Variants in OVCH1 observed in about 807,000 individuals in gnomAD.
The protein encoded by OVCH1 is ovochymase-1.
OVCH1 carries 139 observed loss-of-function variants against 138.4 expected under a neutral mutation model. The ratio of observed to expected loss-of-function variants is 1.00; its 90% CI spans 0.87 to 1.16. The LOEUF (loss-of-function observed/expected upper bound fraction) is 1.16, where lower values mean the gene tolerates loss of function less well. Among genes scored for constraint, OVCH1 ranks in the 50% most tolerant of loss-of-function variants. The pLI is 0.00. For synonymous variants in OVCH1, 453 were observed against 467.8 expected (o/e 0.97, Z 0.41); for missense variants, 1,367 against 1,357.9 (o/e 1.01, Z -0.11).
At chr12:29,405,036 A>C in the OVCH1 span, among the ~76,000 whole-genome samples, 6 of 129,994 alleles carry the variant, frequency 4.6e-5, 1 homozygote, top group South Asian at 5.0e-4. Flanking sequence ...AAAAAAAAAA[A>C]AAAAAAAAAA....
chr12:29,449,132 T>C (rs1457188715), intron 22 of OVCH1, among the ~76,000 whole-genome samples: 1 of 152,134 alleles, frequency 6.6e-6, no homozygotes, highest in Non-Finnish European at 1.5e-5. Flanking sequence ...GTATTTTGCT[T>C]TATTTTTTCA....
At chr12:29,477,190 G>A (rs1215559699) in exon 12 of OVCH1, 1 of 1,613,644 alleles carries the variant, frequency 6.2e-7, no homozygotes, top group Non-Finnish European at 8.5e-7. Flanking sequence ...AGAGTGATTT[G>A]TCCCTTCTTC....
downstream of OVCH1, among the ~76,000 whole-genome samples, chr12:29,411,034 G>GTTT (rs1940948403): frequency 2.0e-5 from 3 of 146,436 alleles, no homozygotes; most frequent in African/African-American, 7.4e-5. Context: ...TAAACTTCCC[G>GTTT]TCTCACTTCA....
downstream of OVCH1, chr12:29,423,421 G>A (rs1161542589): frequency 7.8e-6 from 3 of 382,488 alleles, no homozygotes; most frequent in Non-Finnish European, 1.5e-5. Flanking sequence ...TGATTGTCAG[G>A]AATACAAGAT....
intron 4 of OVCH1, among the ~76,000 whole-genome samples, chr12:29,495,031 T>C (rs956671130): frequency 6.6e-6 from 1 of 152,196 alleles, no homozygotes; most frequent in Non-Finnish European, 1.5e-5. Context: ...TATGTACTTC[T>C]AATATGTATC....
intron 21 of OVCH1, among the ~76,000 whole-genome samples, chr12:29,454,235 T>G (rs762941492): frequency 3.3e-5 from 5 of 152,186 alleles, no homozygotes; most frequent in Admixed American, 1.3e-4. Flanking sequence ...ACCTTCTATA[T>G]CTTACATTTT....
At chr12:29,490,810 T>C (rs1943252571) in intron 5 of OVCH1, among the ~76,000 whole-genome samples, 1 of 152,202 alleles carries the variant, frequency 6.6e-6, no homozygotes, top group Non-Finnish European at 1.5e-5. Flanking sequence ...GCTTAACTAT[T>C]GTTGCTATTT....
chr12:29,456,472 C>T (rs142505943), intron 19 of OVCH1, among the ~76,000 whole-genome samples: 327 of 152,268 alleles, frequency 2.1e-3, no homozygotes, highest in African/African-American at 7.8e-3. Flanking sequence ...TAGATGGAAG[C>T]GTCTCTCTTG....
intron 23 of OVCH1, among the ~76,000 whole-genome samples, chr12:29,445,005 T>G (rs191600372): frequency 6.6e-6 from 1 of 152,078 alleles, no homozygotes; most frequent in African/African-American, 2.4e-5. Flanking sequence ...TGGTATAAAA[T>G]TGCAACCACA....
intron 19 of OVCH1, among the ~76,000 whole-genome samples, chr12:29,460,647 A>C (rs949928369): frequency 2.0e-5 from 3 of 152,100 alleles, no homozygotes; most frequent in Non-Finnish European, 4.4e-5. Flanking sequence ...TCAGATGGAT[A>C]AATTCACCAC....
rs116383413 is a variant in OVCH1 at position 29,490,568 on chromosome 12, G to A, written c.550+529C>T. The stretch of plus-strand genomic sequence containing the variant: ...CCCACAGAGTTAACTTTTTTGTAGT[G>A]AGAATACTTAACATTTACTCTCTTG... On this transcript the variant is annotated intron_variant, in intron 5 of 27. Coordinates refer to ENST00000318184, the Ensembl canonical transcript of OVCH1. Among the ~76,000 whole-genome samples the A allele has an allele frequency of 2.2e-3, 329 of 152,170 alleles. 1 individual carries two copies. The highest frequency in any genetic ancestry group is 7.4e-3 in the African/African-American group (309 of 41,504).
At chr12:29,407,626 G>T (rs942103847), downstream of OVCH1, among the ~76,000 whole-genome samples, 10 of 152,014 alleles carry the variant, frequency 6.6e-5, no homozygotes, top group Admixed American at 3.3e-4. Context: ...TAGATATGCA[G>T]CATTGTTTCT....
chr12:29,413,340 A>G (rs1373964818), intron 3 of OVCH1, among the ~76,000 whole-genome samples: 1 of 152,080 alleles, frequency 6.6e-6, no homozygotes, highest in African/African-American at 2.4e-5. Context: ...ATCCATAATC[A>G]TTTTTTAAAA....
intron 16 of OVCH1, among the ~76,000 whole-genome samples, chr12:29,468,713 G>C (rs567105450): frequency 6.6e-6 from 1 of 152,226 alleles, no homozygotes; most frequent in East Asian, 1.9e-4. Flanking sequence ...ACAGAACCAG[G>C]TGGTACTGAA....
At chr12:29,462,115 A>AC in intron 18 of OVCH1, 107 bp from the exon 19 acceptor site, 1 of 1,264,036 alleles carries the variant, frequency 7.9e-7, no homozygotes, top group Non-Finnish European at 1.1e-6. Context: ...AGCTGAAGTC[A>AC]TTCAGTTTGG....
exon 11 of OVCH1, chr12:29,477,415 G>A (rs1025311692): frequency 2.6e-5 from 42 of 1,613,844 alleles, no homozygotes; most frequent in Admixed American, 8.3e-5. Context: ...AGAAACAAAT[G>A]GAACCATGGC....
At chr12:29,495,579 G>T in intron 3 of OVCH1, 122 bp from the exon 4 acceptor site, 3 of 884,264 alleles carry the variant, frequency 3.4e-6, no homozygotes, top group African/African-American at 1.7e-5. Flanking sequence ...TTTGAAGAAG[G>T]TTTTCCTTAT....
At chr12:29,434,982 A>G (rs1941331913) in intron 26 of OVCH1, among the ~76,000 whole-genome samples, 1 of 152,214 alleles carries the variant, frequency 6.6e-6, no homozygotes, top group South Asian at 2.1e-4. Context: ...ATATGTTGTA[A>G]GAAAAGGTGA....
downstream of OVCH1, among the ~76,000 whole-genome samples, chr12:29,409,562 T>C (rs1449896870): frequency 6.6e-6 from 1 of 152,178 alleles, no homozygotes; most frequent in African/African-American, 2.4e-5. Context: ...CATTTCGTTA[T>C]GTACCCAGTA....
Sources: allele counts gnomAD v4.1 joint callset (sites outside exome capture counted in the v4.1 genomes callset), GRCh38; gene constraint gnomAD v4.1.1; transcripts MANE v1.5; gene names NCBI Gene and HGNC (gene_info 2026-07-23, HGNC 2026-07-21).